The following CINP variants were observed in gnomAD, a reference collection of about 807,000 sequenced individuals.
The protein encoded by CINP is cyclin-dependent kinase 2-interacting protein.
A neutral mutation model predicts 20.5 loss-of-function variants in CINP; 11 were observed. The ratio of observed to expected loss-of-function variants is 0.54; its 90% CI spans 0.34 to 0.89. CINP has a LOEUF of 0.89. Ranked by LOEUF, CINP falls within the 40% of genes least tolerant of loss-of-function variation. CINP has a pLI of 0.02. For synonymous variants in CINP, 108 were observed against 102.1 expected, an observed-to-expected ratio of 1.06 and a Z score of -0.35; for missense variants, 213 against 251.0, an observed-to-expected ratio of 0.85 and a Z score of 1.02.
At position 102,348,388 on chromosome 14, in the gene CINP, G is replaced by T. The variant is rs1052619501; in HGVS notation, c.*169C>A. 3.2e-6 allele frequency: 2 copies of T among 624,090 alleles called. No individual in the cohort carries two copies. The highest frequency in any genetic ancestry group is 5.5e-6 in the Non-Finnish European group (2 of 361,340). 38.7% of individuals were successfully genotyped at this position (624,090 alleles called of 1,614,324 possible). A position where few individuals can be genotyped will look rare whatever the true frequency, so the allele number is the denominator to read the frequency against. ...CACCACGTGGGGCTGGCCGCGGGTT[G>T]TGGGCATGAGCACGCCTGGAGAGGC... is the stretch of plus-strand genomic sequence containing the variant. On this transcript the variant is annotated 3_prime_UTR_variant, in exon 5 of 5. Transcript: ENST00000216756.
At chr14:102,350,115 T>G in intron 3 of CINP, 67 bp from the exon 4 acceptor site, 37 of 1,437,208 alleles carry the variant, frequency 2.6e-5, no homozygotes, top group Non-Finnish European at 3.6e-5. Flanking sequence ...TTAATAACTC[T>G]AAGATTTCAA....
At chr14:102,354,273 C>T (rs757652902) in intron 3 of CINP, among the ~76,000 whole-genome samples, 3 of 152,170 alleles carry the variant, frequency 2.0e-5, no homozygotes, top group Non-Finnish European at 2.9e-5. Flanking sequence ...ACTTTAGTCT[C>T]TTACGTGCTG....
chr14:102,360,459 C>T lies in CINP; in HGVS notation c.8-872G>A, dbSNP rs542389726. Among the ~76,000 whole-genome samples, 22 of 152,178 alleles carry T rather than the reference C, an allele frequency of 1.4e-4. No individual in the cohort carries two copies. The East Asian group carries it at 4.3e-3, about 29-fold the overall frequency. ...TTCTCACTGCCCACAGGATAAAGTC[C>T]TCTTGAGGAATCCAGGACACACAAC... On this transcript the variant is annotated intron_variant, in intron 1 of 4. Coordinates refer to ENST00000216756, the MANE Select transcript of CINP (RefSeq NM_032630.3).
intron 2 of CINP, among the ~76,000 whole-genome samples, chr14:102,358,953 A>G (rs1567306654): frequency 6.6e-6 from 1 of 151,956 alleles, no homozygotes; most frequent in Non-Finnish European, 1.5e-5. Flanking sequence ...GGTGGCTCAC[A>G]CAGCACTTTG....
rs764705669 is a variant in CINP, at chr14:102,355,819, G to A, written c.255C>T (p.Asn85=). The A allele has an allele frequency of 1.5e-5, 25 of 1,614,008 alleles. No individual in the cohort carries two copies. The highest frequency in any genetic ancestry group is 3.3e-5 in the Admixed American group (2 of 59,982). Residue 85 remains asparagine, a synonymous_variant, in exon 3 of 5, where the codon AAC becomes AAT. Coordinates refer to ENST00000216756, the MANE Select transcript of CINP (RefSeq NM_032630.3). ...ENEEKVCLEY[N]EELEKLCEEL... ...CCTCACACAGCTTCTCCAGTTCCTC[G>A]TTATATTCCAGACACACCTTTTCTT...
At chr14:102,349,471 C>T (rs992399161) in intron 4 of CINP, among the ~76,000 whole-genome samples, 4 of 152,134 alleles carry the variant, frequency 2.6e-5, no homozygotes, top group African/African-American at 7.2e-5. Context: ...AGAAGCGCCT[C>T]ATAGAGTTTA....
At chr14:102,352,412 C>G (rs1006223003) in intron 3 of CINP, 4 of 446,194 alleles carry the variant, frequency 9.0e-6, no homozygotes, top group South Asian at 1.6e-5. Flanking sequence ...AAACAGCAGG[C>G]CCTTACATTT....
intron 1 of CINP, among the ~76,000 whole-genome samples, chr14:102,360,076 G>A (rs141700716): frequency 2.2e-4 from 33 of 152,222 alleles, no homozygotes; most frequent in African/African-American, 6.7e-4. Context: ...AGTTGATCAC[G>A]ATGCTGCCAC....
At chr14:102,356,930 C>T (rs1013794683) in intron 2 of CINP, among the ~76,000 whole-genome samples, 6 of 152,148 alleles carry the variant, frequency 3.9e-5, no homozygotes, top group African/African-American at 1.2e-4. Context: ...CTGAAATCAA[C>T]CCAATTAATA....
At chr14:102,358,548 G>A (rs1887048644) in intron 2 of CINP, among the ~76,000 whole-genome samples, 1 of 152,154 alleles carries the variant, frequency 6.6e-6, no homozygotes. Flanking sequence ...GGGCATGGTG[G>A]CAGGTATCTG....
chr14:102,362,383 A>G (rs956833817), intron 1 of CINP, among the ~76,000 whole-genome samples: 1 of 152,084 alleles, frequency 6.6e-6, no homozygotes, highest in African/African-American at 2.4e-5. Context: ...GTGAGGTTCA[A>G]ATGAGATGAT....
chr14:102,361,557 C>T (rs1480348531), intron 1 of CINP, among the ~76,000 whole-genome samples: 2 of 152,180 alleles, frequency 1.3e-5, no homozygotes, highest in Non-Finnish European at 2.9e-5. Context: ...AGGAGAATGG[C>T]GTGAACCCGG....
rs60974325 is a variant in CINP, at chr14:102,357,921, T to C, written c.176+1498A>G. Among the ~76,000 whole-genome samples, 383 of 152,352 alleles carry C rather than the reference T, an allele frequency of 2.5e-3. 3 individuals carry two copies. The highest frequency in any genetic ancestry group is 8.7e-3 in the African/African-American group (361 of 41,588). ...ACATTCACAACTACAGAGAAGTCAA[T>C]GACAGGCTTCAAAGCTTCAAGAGAC... On this transcript the variant is annotated intron_variant, in intron 2 of 4. Transcript: ENST00000216756.
intron 1 of CINP, among the ~76,000 whole-genome samples, chr14:102,360,317 G>A (rs138693310): frequency 8.6e-4 from 130 of 151,898 alleles, no homozygotes; most frequent in Non-Finnish European, 1.5e-3. Context: ...AGATGCACCC[G>A]GATCCCACTG....
In CINP at chr14:102,359,544, A is replaced by C. The variant is rs763501720; in HGVS notation, c.51T>G (p.Ser17=). The C allele has an allele frequency of 6.2e-7, 1 of 1,613,098 alleles. No homozygotes were observed. Among genetic ancestry groups the C allele is most frequent in the East Asian group, 2.2e-5 (1 of 44,810 alleles). The part of the protein sequence containing the change: ...GTVTPRKPVL[S]VSARKIKDNA... ...TGTCCTTAATTTTTCTTGCACTGAC[A>C]GATAAGACAGGTTTTCTGGGCGTTA... The change falls in exon 2 of 5, where the codon TCT becomes TCG. Residue 17 remains serine (S), a synonymous_variant. Coordinates refer to ENST00000216756, the MANE Select transcript of CINP (RefSeq NM_032630.3).
chr14:102,359,922 T>C (rs1399353433), intron 1 of CINP, among the ~76,000 whole-genome samples: 2 of 152,116 alleles, frequency 1.3e-5, no homozygotes, highest in Non-Finnish European at 2.9e-5. Flanking sequence ...TGGCTCACGT[T>C]CCCTTCCCTA....
rs563927549 is a variant in CINP, at chr14:102,358,103, G to C, written c.176+1316C>G. Reference sequence around the variant, plus strand: ...AGAACCAGAACTGGAAGTGGGGTCTGAAGATGGAACTGAATTGCTGCAATC... The same window carrying C: ...AGAACCAGAACTGGAAGTGGGGTCTCAAGATGGAACTGAATTGCTGCAATC... On this transcript the variant is annotated intron_variant, in intron 2 of 4. Coordinates refer to ENST00000216756, the MANE Select transcript of CINP (RefSeq NM_032630.3). Among the ~76,000 whole-genome samples, 8 of 152,352 alleles carry C rather than the reference G, an allele frequency of 5.3e-5. No homozygotes were observed. In the East Asian group the frequency reaches 1.5e-3, roughly 29 times the overall value.
chr14:102,349,962 ACTCTCCTCCCC>A lies in CINP; in HGVS notation c.382_392del (p.Gly128Ter). On this transcript the variant is annotated frameshift_variant, in exon 4 of 5. Transcript: ENST00000216756. LOFTEE classifies it low-confidence loss of function (END_TRUNC). ...ACGTGTGGAACAGAGGGGGTCGTTT[ACTCTCCTCCCC>A]ATAATGGTAGTTTTCTAGTTCACAA... 1 of 1,613,166 alleles carries A rather than the reference ACTCTCCTCCCC, an allele frequency of 6.2e-7. No individual in the cohort carries two copies. The highest frequency in any genetic ancestry group is 8.5e-7 in the Non-Finnish European group (1 of 1,179,752).
rs148982679 is a variant in CINP, at chr14:102,348,415, A to G, written c.*142T>C. ...GGGCATGAGCACGCCTGGAGAGGCCATGGGGCTGGTGACAAGCTCTGGCCA... is the reference window on the plus strand; with the variant it reads ...GGGCATGAGCACGCCTGGAGAGGCCGTGGGGCTGGTGACAAGCTCTGGCCA... On this transcript the variant is annotated 3_prime_UTR_variant, in exon 5 of 5. Coordinates refer to ENST00000216756, the MANE Select transcript of CINP (RefSeq NM_032630.3). 342 of 742,444 alleles carry G rather than the reference A, an allele frequency of 4.6e-4. 1 individual carries two copies. In the African/African-American group the frequency reaches 5.5e-3, roughly 12 times the overall value. 46.0% of individuals were successfully genotyped at this position (742,444 alleles called of 1,614,324 possible).
Sources: allele counts gnomAD v4.1 joint callset (sites outside exome capture counted in the v4.1 genomes callset), GRCh38; gene constraint gnomAD v4.1.1; transcripts MANE v1.5; gene names NCBI Gene and HGNC (gene_info 2026-07-23, HGNC 2026-07-21).